The following CPQ variants were observed in gnomAD, a reference collection of about 807,000 sequenced individuals.
CPQ encodes Ser-Met dipeptidase.
A neutral mutation model predicts 45.7 loss-of-function variants in CPQ; 37 were observed. That is an observed-to-expected ratio of 0.81 (90% CI 0.62 to 1.07). The LOEUF (loss-of-function observed/expected upper bound fraction) is 1.07, where lower values mean the gene tolerates loss of function less well. Among genes scored for constraint, CPQ ranks in the 50% least tolerant of loss-of-function variants. The pLI, the probability that CPQ is intolerant of heterozygous loss-of-function variation, is 0.00. For synonymous variants in CPQ, 186 were observed against 205.8 expected (o/e 0.90, Z 0.82); for missense variants, 537 against 572.9 (o/e 0.94, Z 0.64).
intron 4 of CPQ, among the ~76,000 whole-genome samples, chr8:96,944,160 C>T (rs983314549): frequency 3.3e-5 from 5 of 152,002 alleles, no homozygotes; most frequent in East Asian, 3.9e-4. Context: ...CACAGTAAGA[C>T]GATTGATATT....
intron 5 of CPQ, among the ~76,000 whole-genome samples, chr8:97,000,848 A>G (rs1405725145): frequency 6.6e-6 from 1 of 152,116 alleles, no homozygotes; most frequent in African/African-American, 2.4e-5. Flanking sequence ...CATTTTAAAG[A>G]TATTAATTAT....
At chr8:96,649,056 G>A (rs1025678644) in intron 1 of CPQ, among the ~76,000 whole-genome samples, 1 of 152,298 alleles carries the variant, frequency 6.6e-6, no homozygotes, top group Admixed American at 6.5e-5. Flanking sequence ...ATCTCACTGC[G>A]ACTTCCGCCT....
chr8:97,067,840 A>G (rs1478083752), intron 7 of CPQ, among the ~76,000 whole-genome samples: 1 of 152,228 alleles, frequency 6.6e-6, no homozygotes, highest in African/African-American at 2.4e-5. Context: ...ATTGATAAAC[A>G]TGATCTAAGT....
At chr8:96,831,197 G>T (rs753320340) in intron 2 of CPQ, among the ~76,000 whole-genome samples, 2 of 151,484 alleles carry the variant, frequency 1.3e-5, no homozygotes, top group African/African-American at 2.4e-5. Context: ...TTATTTTTTC[G>T]GTTTCTCTTC....
At chr8:96,981,949 T>A (rs995434076) in intron 5 of CPQ, among the ~76,000 whole-genome samples, 8 of 152,180 alleles carry the variant, frequency 5.3e-5, no homozygotes, top group Admixed American at 2.6e-4. Context: ...GTAAACTAGA[T>A]GGTAACATGC....
chr8:97,066,253 C>G (rs1275858303), intron 7 of CPQ, 43 bp downstream of exon 7: 1 of 1,554,202 alleles, frequency 6.4e-7, no homozygotes, highest in South Asian at 1.2e-5. Flanking sequence ...ATATTGCCAA[C>G]AATTTAAAAT....
At chr8:96,740,294 ATTT>A (rs1198406823) in intron 1 of CPQ, among the ~76,000 whole-genome samples, 1 of 152,012 alleles carries the variant, frequency 6.6e-6, no homozygotes, top group Non-Finnish European at 1.5e-5. Context: ...AATGCTTGTG[ATTT>A]TTGTACCTTG....
chr8:97,001,506 C>T (rs990090636), intron 5 of CPQ, among the ~76,000 whole-genome samples: 35 of 151,760 alleles, frequency 2.3e-4, no homozygotes, highest in African/African-American at 8.5e-4. Context: ...GATTATCATG[C>T]GGTTTTTGAC....
chr8:96,753,375 AT>A (rs1810287370), intron 1 of CPQ, among the ~76,000 whole-genome samples: 1 of 152,078 alleles, frequency 6.6e-6, no homozygotes, highest in Non-Finnish European at 1.5e-5. Context: ...CAGTTGAACT[AT>A]TTTCACACAC....
chr8:96,730,377 G>A (rs1419490149), intron 1 of CPQ, among the ~76,000 whole-genome samples: 1 of 152,164 alleles, frequency 6.6e-6, no homozygotes, highest in Admixed American at 6.5e-5. Context: ...CTTTGGTTAA[G>A]TTCACTCATC....
At chr8:97,020,286 C>T (rs2130453770) in intron 5 of CPQ, among the ~76,000 whole-genome samples, 1 of 152,038 alleles carries the variant, frequency 6.6e-6, no homozygotes, top group South Asian at 2.1e-4. Flanking sequence ...TGAAAGAGCA[C>T]AAATTGAGAT....
At chr8:96,866,711 C>T (rs1434657977) in intron 3 of CPQ, among the ~76,000 whole-genome samples, 2 of 152,146 alleles carry the variant, frequency 1.3e-5, no homozygotes, top group East Asian at 3.9e-4. Context: ...TAAGGCTATA[C>T]ATCACCATAG....
chr8:97,081,350 C>G lies in CPQ; in HGVS notation c.1255+15140C>G, dbSNP rs539687349. Reference sequence around the variant, plus strand: ...TTGGCTTGTGAGCTTCAGTTGCCCCCCCATACGCTTAAATTTTTCATTTTG... The same window carrying G: ...TTGGCTTGTGAGCTTCAGTTGCCCCGCCATACGCTTAAATTTTTCATTTTG... On this transcript the variant is annotated intron_variant, in intron 7 of 7. Transcript: ENST00000220763. Among the ~76,000 whole-genome samples the G allele has an allele frequency of 2.4e-4, 36 of 152,200 alleles. 2 individuals carry two copies. In the South Asian group the frequency reaches 7.5e-3, roughly 32 times the overall value.
At chr8:96,858,654 A>G (rs369666276) in intron 3 of CPQ, among the ~76,000 whole-genome samples, 4 of 152,260 alleles carry the variant, frequency 2.6e-5, no homozygotes, top group Non-Finnish European at 4.4e-5. Flanking sequence ...ACATATTGCA[A>G]TCTTTTCCTG....
chr8:97,038,803 T>C (rs1185240779), intron 6 of CPQ, among the ~76,000 whole-genome samples: 2 of 127,028 alleles, frequency 1.6e-5, no homozygotes, highest in East Asian at 4.4e-4. Context: ...AGTATGGCTG[T>C]ATTCCAAAAA....
rs59043894 is a variant in CPQ, at chr8:96,926,625, C to CTTCTTCTT, written c.850-39310_850-39309insTTCTTCTT. ...TTCTTCTTCTTCTTCTTCTTCTTCT[C>CTTCTTCTT]CTCCTTCTCCTTCTTCTTCTTCTCC... On this transcript the variant is annotated intron_variant, in intron 4 of 7. Transcript: ENST00000220763. Among the ~76,000 whole-genome samples, 241 of 58,354 alleles carry CTTCTTCTT rather than the reference C, an allele frequency of 4.1e-3. 7 individuals carry two copies. Among genetic ancestry groups the CTTCTTCTT allele is most frequent in the African/African-American group, 0.012 (189 of 15,854 alleles). The allele number at this position is 58,354 out of a possible 152,430, so 38.3% of individuals were successfully genotyped here.
intron 4 of CPQ, among the ~76,000 whole-genome samples, chr8:96,942,918 T>C (rs938124633): frequency 2.0e-5 from 3 of 152,172 alleles, no homozygotes; most frequent in Admixed American, 6.5e-5. Context: ...TAACTATGAA[T>C]ATGACTTTCA....
chr8:97,028,322 A>G (rs1252447456), intron 5 of CPQ, among the ~76,000 whole-genome samples: 4 of 152,320 alleles, frequency 2.6e-5, no homozygotes, highest in Middle Eastern at 3.4e-3. Flanking sequence ...TTTGTCATCC[A>G]GGCTGCAGTT....
intron 1 of CPQ, among the ~76,000 whole-genome samples, chr8:96,708,864 ATTC>A (rs758636928): frequency 6.6e-6 from 1 of 152,152 alleles, no homozygotes; most frequent in Non-Finnish European, 1.5e-5. Flanking sequence ...AATCTTGGGA[ATTC>A]TTCTTTATCA....
Sources: allele counts gnomAD v4.1 joint callset (sites outside exome capture counted in the v4.1 genomes callset), GRCh38; gene constraint gnomAD v4.1.1; transcripts MANE v1.5; gene names NCBI Gene and HGNC (gene_info 2026-07-23, HGNC 2026-07-21).